Variants in DYNC2H1 observed in about 807,000 individuals in gnomAD.
The protein encoded by DYNC2H1 is cytoplasmic dynein 2 heavy chain 1.
A neutral mutation model predicts 570.0 loss-of-function variants in DYNC2H1; 410 were observed. The observed-to-expected ratio is 0.72, with a 90% CI of 0.66 to 0.78. The LOEUF (loss-of-function observed/expected upper bound fraction) is 0.78, where lower values mean the gene tolerates loss of function less well. Among genes scored for constraint, DYNC2H1 ranks in the 30% least tolerant of loss-of-function variants. DYNC2H1 has a pLI of 0.00. For missense variants in DYNC2H1, 4,865 were observed against 5,046.4 expected (o/e 0.96, Z 1.09); for synonymous variants, 1,688 against 1,677.6 (o/e 1.01, Z -0.15).
At chr11:103,187,830 A>G (rs1862137550) in intron 43 of DYNC2H1, among the ~76,000 whole-genome samples, 1 of 152,058 alleles carries the variant, frequency 6.6e-6, no homozygotes, top group Admixed American at 6.6e-5. Context: ...CTCTACATCT[A>G]TTACTTGTCC....
chr11:103,389,285 G>C (rs545724175), intron 83 of DYNC2H1, among the ~76,000 whole-genome samples: 4 of 152,296 alleles, frequency 2.6e-5, no homozygotes, highest in African/African-American at 7.2e-5. Flanking sequence ...TAGTTTATTT[G>C]TGTAGAGGTG....
At chr11:103,392,441 G>A (rs917493981) in intron 83 of DYNC2H1, among the ~76,000 whole-genome samples, 11 of 152,340 alleles carry the variant, frequency 7.2e-5, no homozygotes, top group East Asian at 1.9e-4. Context: ...GACCCCTTGC[G>A]CTTACTGGGT....
At chr11:103,259,642 A>G (rs1261804330) in intron 69 of DYNC2H1, among the ~76,000 whole-genome samples, 7 of 152,126 alleles carry the variant, frequency 4.6e-5, no homozygotes, top group Non-Finnish European at 7.4e-5. Context: ...TTCAACTTAT[A>G]TTGTATTATT....
At chr11:103,453,615 C>CATATATATAT (rs66628059) in intron 85 of DYNC2H1, among the ~76,000 whole-genome samples, 306 of 136,604 alleles carry the variant, frequency 2.2e-3, no homozygotes, top group African/African-American at 3.6e-3. Context: ...TTAGTTTAGA[C>CATATATATAT]ATATATATAT....
Position 103,177,537 on chromosome 11 carries a change from C to T in DYNC2H1, c.5875-19C>T. The T allele has an allele frequency of 1.3e-6, 2 of 1,588,640 alleles. No homozygotes were observed. Among genetic ancestry groups the T allele is most frequent in the South Asian group, 1.2e-5 (1 of 85,518 alleles). On this transcript the variant is annotated intron_variant, in intron 37 of 88. Transcript: ENST00000375735. The surrounding 1 kb of genome is among the most constrained non-coding windows in gnomAD (Gnocchi z 4.4). ...TTGAATATTATAAATCATATATGAACATATTTCTTTCCTACTAGATCAAAA... is the reference window on the plus strand; with the variant it reads ...TTGAATATTATAAATCATATATGAATATATTTCTTTCCTACTAGATCAAAA...
intron 83 of DYNC2H1, among the ~76,000 whole-genome samples, chr11:103,398,504 C>T (rs1251462342): frequency 6.6e-6 from 1 of 152,132 alleles, no homozygotes; most frequent in African/African-American, 2.4e-5. Context: ...GGTTAAATTA[C>T]TTACTATGCT....
intron 84 of DYNC2H1, among the ~76,000 whole-genome samples, chr11:103,417,896 C>A (rs1163473315): frequency 6.7e-6 from 1 of 148,442 alleles, no homozygotes; most frequent in Non-Finnish European, 1.5e-5. Flanking sequence ...AAAAATTGAT[C>A]AATGTTATTT....
chr11:103,220,898 T>C (rs777323745), intron 57 of DYNC2H1, 115 bp downstream of exon 57: 29 of 985,674 alleles, frequency 2.9e-5, no homozygotes, highest in Admixed American at 8.9e-5. Flanking sequence ...AATACATGGG[T>C]GTACATTTTG....
chr11:103,149,808 TGA>T (rs137963830), intron 20 of DYNC2H1, among the ~76,000 whole-genome samples: 59 of 148,234 alleles, frequency 4.0e-4, no homozygotes, highest in South Asian at 2.1e-3. Flanking sequence ...AAAAGAGGAT[TGA>T]GAGAGAGAGA....
chr11:103,125,308 A>G lies in DYNC2H1; in HGVS notation c.1857+13A>G, dbSNP rs754728689. 40 of 1,562,622 alleles carry G rather than the reference A, an allele frequency of 2.6e-5. No individual in the cohort carries two copies. Among genetic ancestry groups the G allele is most frequent in the Middle Eastern group, 3.4e-4 (2 of 5,944 alleles). On this transcript the variant is annotated intron_variant, in intron 12 of 88. Transcript: ENST00000375735. Reference sequence around the variant, plus strand: ...TATTCTTAAACAAGTATGAAATTACATTTTTTGAATACCTGCCTATTTGGA... The same window carrying G: ...TATTCTTAAACAAGTATGAAATTACGTTTTTTGAATACCTGCCTATTTGGA...
intron 88 of DYNC2H1, among the ~76,000 whole-genome samples, chr11:103,474,760 G>T (rs1208781277): frequency 2.0e-5 from 3 of 151,972 alleles, no homozygotes; most frequent in Non-Finnish European, 4.4e-5. Context: ...CCTTATCCTA[G>T]ATATGTATGT....
intron 47 of DYNC2H1, among the ~76,000 whole-genome samples, chr11:103,196,828 G>T (rs561168846): frequency 1.3e-5 from 2 of 152,116 alleles, no homozygotes; most frequent in Non-Finnish European, 2.9e-5. Flanking sequence ...CTGTATTATT[G>T]TTCCCAAATA....
chr11:103,344,063 A>G (rs1171165062), intron 82 of DYNC2H1, among the ~76,000 whole-genome samples: 1 of 152,234 alleles, frequency 6.6e-6, no homozygotes, highest in Non-Finnish European at 1.5e-5. Context: ...AATTTGAGAT[A>G]AACACTGTGA....
chr11:103,252,297 G>A lies in DYNC2H1; in HGVS notation c.10043-988G>A, dbSNP rs1864865577. On this transcript the variant is annotated intron_variant, in intron 65 of 88. Coordinates refer to ENST00000375735, the MANE Select transcript of DYNC2H1 (RefSeq NM_001377.3). The surrounding 1 kb of genome is among the most constrained non-coding windows in gnomAD (Gnocchi z 4.6). ...GTTGTTTCCATGTCTTGGCTGTTGT[G>A]AATAATGCTGTGAAGAAATGGGAGT... Among the ~76,000 whole-genome samples the A allele has an allele frequency of 1.3e-5, 2 of 152,038 alleles. No individual in the cohort carries two copies. Among genetic ancestry groups the A allele is most frequent in the African/African-American group, 4.8e-5 (2 of 41,406 alleles).
Position 103,181,982 on chromosome 11 carries a change from A to AT in DYNC2H1, c.6477+97dup. 7.2e-7 allele frequency: 1 copy of AT among 1,384,948 alleles called. No homozygotes were observed. Among genetic ancestry groups the AT allele is most frequent in the Non-Finnish European group, 9.8e-7 (1 of 1,018,966 alleles). The allele number at this position is 1,384,948 out of a possible 1,614,324, so 85.8% of individuals were successfully genotyped here. On this transcript the variant is annotated intron_variant, in intron 40 of 88. Coordinates refer to ENST00000375735, the MANE Select transcript of DYNC2H1 (RefSeq NM_001377.3). This position sits in a 1 kb window ranked among gnomAD's most constrained non-coding sequence, Gnocchi z 5.0. ...TTCCTTGTGGTAGAACTCTGCTGGA[A>AT]TGTGGGTGTGAGGTGAGAGGTGGAT... is the stretch of plus-strand genomic sequence containing the variant.
Position 103,308,846 on chromosome 11 carries a change from C to T in DYNC2H1, c.11493+1015C>T, listed in dbSNP as rs565664009. On this transcript the variant is annotated intron_variant, in intron 78 of 88. Coordinates refer to ENST00000375735, the MANE Select transcript of DYNC2H1 (RefSeq NM_001377.3). ...ACTTTTAAAATTATTTAATTTTTTGCTGTTGAGTTGTATTAATAGTTCATT... is the reference window on the plus strand; with the variant it reads ...ACTTTTAAAATTATTTAATTTTTTGTTGTTGAGTTGTATTAATAGTTCATT... Among the ~76,000 whole-genome samples, 14 of 151,990 alleles carry T rather than the reference C, an allele frequency of 9.2e-5. No homozygotes were observed. The South Asian group carries it at 2.3e-3, about 25-fold the overall frequency.
intron 63 of DYNC2H1, among the ~76,000 whole-genome samples, chr11:103,242,392 C>T (rs1249141781): frequency 2.6e-5 from 4 of 152,034 alleles, no homozygotes; most frequent in African/African-American, 9.7e-5. Context: ...TTATACTGTA[C>T]TCACCTATTT....
At position 103,116,590 on chromosome 11, in the gene DYNC2H1, T is replaced by C; in HGVS notation, c.642T>C (p.Ser214=). Residue 214 remains serine (S), a synonymous_variant, in exon 5 of 89, where the codon AGT becomes AGC. Transcript: ENST00000375735. ...TIAREFYNLD[S]LSLLEVVDLV... ...TCTAGGAGTTTTATAACTTGGACAG[T>C]CTATCCTTACTAGAAGTTGTTGACT... The C allele has an allele frequency of 1.2e-6, 2 of 1,605,474 alleles. No individual in the cohort carries two copies. Among genetic ancestry groups the C allele is most frequent in the Non-Finnish European group, 1.7e-6 (2 of 1,175,372 alleles).
chr11:103,408,774 AAT>A (rs1228322751), intron 84 of DYNC2H1, among the ~76,000 whole-genome samples: 1 of 152,050 alleles, frequency 6.6e-6, no homozygotes, highest in East Asian at 1.9e-4. Flanking sequence ...TTATTGGGTC[AAT>A]ATATGTTAAC....
Sources: gnomAD v4.1 joint callset for allele counts (sites outside exome capture counted in the v4.1 genomes callset) on GRCh38, gnomAD v4.1.1 for gene constraint, Gnocchi (gnomAD v3.1) non-coding constraint, MANE v1.5 for transcripts, NCBI Gene and HGNC (gene_info 2026-07-23, HGNC 2026-07-21) for gene names.